The following LRRFIP1 variants were observed in gnomAD, a reference collection of about 807,000 sequenced individuals.
LRRFIP1 encodes LRR binding FLII interacting protein 1.
In LRRFIP1, 62 loss-of-function variants were observed where a neutral mutation model predicts 104.4. That is an observed-to-expected ratio of 0.59 (90% CI 0.48 to 0.73). The LOEUF (loss-of-function observed/expected upper bound fraction) is 0.73. Ranked by LOEUF, LRRFIP1 falls within the 30% of genes least tolerant of loss-of-function variation. The pLI is 0.00. For missense variants in LRRFIP1, 796 were observed against 824.5 expected (o/e 0.97, Z 0.42); for synonymous variants, 300 against 299.0 (o/e 1.00, Z -0.03).
At chr2:237,763,277 C>T in intron 19 of LRRFIP1, 1 of 1,614,062 alleles carries the variant, frequency 6.2e-7, no homozygotes, top group East Asian at 2.2e-5. Flanking sequence ...TCCTGGTTCT[C>T]CAGCAGGAAC....
chr2:237,719,906 C>G (rs1012639712), intron 5 of LRRFIP1, among the ~76,000 whole-genome samples: 4 of 151,120 alleles, frequency 2.6e-5, no homozygotes, highest in Admixed American at 6.6e-5. Flanking sequence ...TTTATATTAC[C>G]CGTGAGATAA....
At chr2:237,732,871 G>A (rs2095072433) in intron 8 of LRRFIP1, among the ~76,000 whole-genome samples, 1 of 152,150 alleles carries the variant, frequency 6.6e-6, no homozygotes, top group Admixed American at 6.5e-5. Context: ...CTTTGGCTGG[G>A]TCTCCCCGCT....
In LRRFIP1 at chr2:237,627,642, T is replaced by G; in HGVS notation, c.-3T>G. ...CCCGCGGCAGCTGCGGGCGACGCGG[T>G]CGATGGACATGGGCACCCAGGGATC... On this transcript the variant is annotated 5_prime_UTR_variant, in exon 1 of 24. Transcript: ENST00000308482. 1 of 1,323,932 alleles carries G rather than the reference T, an allele frequency of 7.6e-7. No individual in the cohort carries two copies. The highest frequency in any genetic ancestry group is 9.8e-7 in the Non-Finnish European group (1 of 1,024,268). 82.0% of individuals were successfully genotyped at this position (1,323,932 alleles called of 1,614,324 possible). A position where few individuals can be genotyped will look rare whatever the true frequency, so the allele number is the denominator to read the frequency against.
intron 1 of LRRFIP1, among the ~76,000 whole-genome samples, chr2:237,631,200 T>G (rs1384834660): frequency 6.6e-6 from 1 of 152,184 alleles, no homozygotes; most frequent in Non-Finnish European, 1.5e-5. Flanking sequence ...ACATGCCTTC[T>G]GGAGAGTAAG....
At chr2:237,713,591 G>A (rs1455574960) in intron 2 of LRRFIP1, among the ~76,000 whole-genome samples, 1 of 152,192 alleles carries the variant, frequency 6.6e-6, no homozygotes, top group African/African-American at 2.4e-5. Context: ...AGTTTTGGCA[G>A]TGCCTTCAAT....
chr2:237,773,002 A>G, intron 22 of LRRFIP1, 57 bp downstream of exon 22: 1 of 1,428,884 alleles, frequency 7.0e-7, no homozygotes, highest in South Asian at 1.2e-5. Context: ...TACTTGCTAG[A>G]AATAGCCCTG....
chr2:237,642,311 C>T (rs369692144), intron 1 of LRRFIP1, among the ~76,000 whole-genome samples: 1 of 152,256 alleles, frequency 6.6e-6, no homozygotes, highest in Non-Finnish European at 1.5e-5. Context: ...CAGCTTCACT[C>T]CAGGTTCTAG....
chr2:237,726,070 G>A (rs2094736585), intron 7 of LRRFIP1, among the ~76,000 whole-genome samples: 1 of 152,190 alleles, frequency 6.6e-6, no homozygotes, highest in South Asian at 2.1e-4. Context: ...TCCTTGACAT[G>A]CATTTTCATG....
rs765508613 is a variant in LRRFIP1, at chr2:237,748,391, A to G, written c.661A>G (p.Thr221Ala). 1.9e-6 allele frequency: 3 copies of G among 1,605,260 alleles called. No homozygotes were observed. In the South Asian group the frequency reaches 3.4e-5, roughly 18 times the overall value. The change falls in exon 12 of 24, where the codon ACT becomes GCT. Residue 221 changes from threonine to alanine, a missense_variant. Physicochemically the swap from Thr to Ala is moderately conservative, Grantham distance 58. Coordinates refer to ENST00000308482, the MANE Select transcript of LRRFIP1 (RefSeq NM_001137550.2). ...AGAAGAGAGACCAGAAAAAGATTTTACTGAGAAGGTAAGGAATCGTTCATA... is the reference window on the plus strand; with the variant it reads ...AGAAGAGAGACCAGAAAAAGATTTTGCTGAGAAGGTAAGGAATCGTTCATA... ...VVEERPEKDF[T>A]EKGSRNMPGL...
intron 11 of LRRFIP1, among the ~76,000 whole-genome samples, chr2:237,745,121 G>A (rs912319707): frequency 2.0e-5 from 3 of 152,226 alleles, no homozygotes; most frequent in African/African-American, 2.4e-5. Flanking sequence ...TAGGAAAGGG[G>A]GCTTGGTTAA....
At chr2:237,697,684 C>G (rs1452137395) in intron 1 of LRRFIP1, among the ~76,000 whole-genome samples, 1 of 152,086 alleles carries the variant, frequency 6.6e-6, no homozygotes, top group Non-Finnish European at 1.5e-5. Flanking sequence ...TTTGTGAAAC[C>G]CTAGAGGTCT....
At chr2:237,728,298 A>T (rs1032512009) in intron 8 of LRRFIP1, among the ~76,000 whole-genome samples, 3 of 152,238 alleles carry the variant, frequency 2.0e-5, no homozygotes, top group Non-Finnish European at 4.4e-5. Context: ...ACTAAATCCA[A>T]CATTTTCGCA....
chr2:237,719,966 G>A (rs1408049997), intron 5 of LRRFIP1, among the ~76,000 whole-genome samples: 1 of 28,060 alleles, frequency 3.6e-5, no homozygotes, highest in Non-Finnish European at 7.5e-5. Flanking sequence ...TTTTTTTTTT[G>A]AGACAGAGTC....
intron 1 of LRRFIP1, among the ~76,000 whole-genome samples, chr2:237,664,744 T>G (rs962911830): frequency 6.6e-6 from 1 of 152,232 alleles, no homozygotes; most frequent in Non-Finnish European, 1.5e-5. Context: ...CATCCTTCTC[T>G]GGTATAAAGA....
At chr2:237,641,237 T>C (rs907001173) in intron 1 of LRRFIP1, among the ~76,000 whole-genome samples, 1 of 140,156 alleles carries the variant, frequency 7.1e-6, no homozygotes, top group African/African-American at 2.7e-5. Context: ...AAAGGCCAGG[T>C]GCAGTGGCTT....
intron 1 of LRRFIP1, among the ~76,000 whole-genome samples, chr2:237,675,255 C>T (rs1338709044): frequency 1.3e-5 from 2 of 152,172 alleles, no homozygotes; most frequent in South Asian, 2.1e-4. Context: ...TTTGCTTTTT[C>T]GGCCAAGCAA....
intron 19 of LRRFIP1, chr2:237,768,072 A>T (rs1025729392): frequency 2.6e-5 from 4 of 152,248 alleles, no homozygotes; most frequent in African/African-American, 9.6e-5. Context: ...AGACACTATA[A>T]GTCTACCGGT....
intron 1 of LRRFIP1, among the ~76,000 whole-genome samples, chr2:237,664,801 G>C (rs186853889): frequency 6.6e-6 from 1 of 152,134 alleles, no homozygotes; most frequent in Non-Finnish European, 1.5e-5. Context: ...ACTCATCTTT[G>C]ATTGTTGCTA....
At chr2:237,745,828 C>T (rs901092169) in intron 11 of LRRFIP1, among the ~76,000 whole-genome samples, 4 of 152,158 alleles carry the variant, frequency 2.6e-5, no homozygotes, top group Admixed American at 1.3e-4. Flanking sequence ...ATGCCACAGG[C>T]TTTTCAGTGG....
Sources: gnomAD v4.1 joint callset for allele counts (sites outside exome capture counted in the v4.1 genomes callset) on GRCh38, gnomAD v4.1.1 for gene constraint, MANE v1.5 for transcripts, NCBI Gene and HGNC (gene_info 2026-07-23, HGNC 2026-07-21) for gene names.